The following PRSS23 variants were observed in gnomAD, a reference collection of about 807,000 sequenced individuals.
PRSS23 encodes the protein serine protease 23, also known as protease, serine 23.
A neutral mutation model predicts 34.7 loss-of-function variants in PRSS23; 25 were observed. The observed-to-expected ratio is 0.72, with a 90% CI of 0.53 to 1.01. The LOEUF (loss-of-function observed/expected upper bound fraction) is 1.01. PRSS23 is among the 50% of genes least tolerant of loss of function. PRSS23 has a pLI of 0.00. For missense variants in PRSS23, 445 were observed against 475.6 expected (o/e 0.94, Z 0.60); for synonymous variants, 176 against 186.6 (o/e 0.94, Z 0.46).
chr11:86,862,285 C>T (rs1314664899), intron 2 of PRSS23, among the ~76,000 whole-genome samples: 1 of 151,504 alleles, frequency 6.6e-6, no homozygotes, highest in Non-Finnish European at 1.5e-5. Flanking sequence ...TGTTACTCCT[C>T]ATGTGACAGC....
chr11:86,952,600 AGTCT>A (rs1157462963), exon 3 of PRSS23: 9 of 951,426 alleles, frequency 9.5e-6, no homozygotes, highest in East Asian at 2.4e-5. Context: ...ACCTATCGGG[AGTCT>A]GTCTGTTTAC....
At chr11:86,826,499 A>G (rs574169924) in intron 2 of PRSS23, among the ~76,000 whole-genome samples, 6,710 of 152,118 alleles carry the variant, frequency 0.044, 187 homozygotes, top group Middle Eastern at 0.075. Flanking sequence ...TCTCCTGCCT[A>G]ATTGCCCTGG....
chr11:86,828,904 C>T (rs1213557994), intron 2 of PRSS23, among the ~76,000 whole-genome samples: 3 of 152,172 alleles, frequency 2.0e-5, no homozygotes, highest in Non-Finnish European at 4.4e-5. Flanking sequence ...GTAACCCAAC[C>T]TTTCTCTCTG....
intron 2 of PRSS23, among the ~76,000 whole-genome samples, chr11:86,840,897 G>C (rs904573151): frequency 1.3e-5 from 2 of 152,190 alleles, no homozygotes; most frequent in Non-Finnish European, 2.9e-5. Context: ...AAGTGAAGAT[G>C]TTCTTTAAAA....
At chr11:86,862,805 T>G (rs1240519704) in intron 2 of PRSS23, among the ~76,000 whole-genome samples, 3 of 151,942 alleles carry the variant, frequency 2.0e-5, no homozygotes, top group African/African-American at 7.3e-5. Flanking sequence ...TCCATGATAT[T>G]ATTCATAATA....
chr11:86,817,347 A>G (rs1429393119), intron 1 of PRSS23, among the ~76,000 whole-genome samples: 1 of 152,236 alleles, frequency 6.6e-6, no homozygotes, highest in Non-Finnish European at 1.5e-5. Flanking sequence ...TGATGTGGCT[A>G]TTTTTAAACT....
At chr11:86,895,059 A>G (rs17149495) in intron 2 of PRSS23, among the ~76,000 whole-genome samples, 18,471 of 152,204 alleles carry the variant, frequency 0.12, 1,769 homozygotes, top group African/African-American at 0.27. Context: ...TTACAGTGAG[A>G]CTTCAGATCA....
chr11:86,820,771 T>C (rs760354869), intron 1 of PRSS23, among the ~76,000 whole-genome samples: 15 of 152,238 alleles, frequency 9.9e-5, no homozygotes, highest in Non-Finnish European at 1.9e-4. Flanking sequence ...TCTACCTCTT[T>C]AGTAAAGGGC....
chr11:86,906,003 C>CAT (rs61241543), intron 2 of PRSS23, among the ~76,000 whole-genome samples: 24,420 of 150,040 alleles, frequency 0.16, 2,153 homozygotes, highest in African/African-American at 0.23. Context: ...CACTCATTCA[C>CAT]TCATTCATTC....
chr11:86,814,812 G>A (rs1939114), downstream of PRSS23, among the ~76,000 whole-genome samples: 22,289 of 152,170 alleles, frequency 0.15, 2,209 homozygotes, highest in East Asian at 0.42. Flanking sequence ...GGGTGGTGCA[G>A]ACATGGGCTC....
chr11:86,908,549 T>C (rs935442638), intron 2 of PRSS23, among the ~76,000 whole-genome samples: 1 of 152,202 alleles, frequency 6.6e-6, no homozygotes, highest in South Asian at 2.1e-4. Context: ...TAGGACTCAC[T>C]GGTCCAGTGT....
intron 1 of PRSS23, among the ~76,000 whole-genome samples, chr11:86,822,640 A>AG (rs1948261659): frequency 6.6e-6 from 1 of 151,214 alleles, no homozygotes; most frequent in Admixed American, 6.6e-5. Flanking sequence ...AAAAAAAAAA[A>AG]TGCAGAACTA....
At chr11:86,806,628 C>T (rs1160872665) in intron 1 of PRSS23, among the ~76,000 whole-genome samples, 1 of 152,230 alleles carries the variant, frequency 6.6e-6, no homozygotes, top group East Asian at 1.9e-4. Flanking sequence ...GAAGGCCTCT[C>T]TTGTTCTTAC....
intron 2 of PRSS23, among the ~76,000 whole-genome samples, chr11:86,945,238 C>G (rs986117264): frequency 6.6e-6 from 1 of 151,654 alleles, no homozygotes; most frequent in South Asian, 2.1e-4. Context: ...AAAAAAAAAG[C>G]CCCCTTTCCC....
intron 2 of PRSS23, chr11:86,937,577 A>G (rs558536246): frequency 3.9e-5 from 6 of 152,236 alleles, no homozygotes; most frequent in Non-Finnish European, 8.8e-5. Flanking sequence ...CAAGATGGCC[A>G]TGAGAGTGAC....
At chr11:86,922,660 A>G (rs1344818893) in intron 2 of PRSS23, among the ~76,000 whole-genome samples, 2 of 152,216 alleles carry the variant, frequency 1.3e-5, no homozygotes, top group African/African-American at 2.4e-5. Context: ...CTAAAGATAT[A>G]GATATTCTCT....
intron 2 of PRSS23, among the ~76,000 whole-genome samples, chr11:86,841,629 A>G (rs963141223): frequency 1.6e-4 from 24 of 152,180 alleles, no homozygotes; most frequent in African/African-American, 5.3e-4. Context: ...CAGAAATACA[A>G]ACTACCATCA....
chr11:86,799,640 T>C (rs1044447539), upstream of PRSS23, among the ~76,000 whole-genome samples: 4 of 152,128 alleles, frequency 2.6e-5, no homozygotes, highest in African/African-American at 9.7e-5. Flanking sequence ...ACTAGGACCT[T>C]AAATGGCAAG....
rs1948230146 is a variant in PRSS23 at position 86,818,486 on chromosome 11, C to T, written c.-11-4891C>T. 2.0e-5 allele frequency among the ~76,000 whole-genome samples: 3 copies of T among 152,092 alleles called. No homozygotes were observed. The South Asian group carries it at 6.2e-4, about 32-fold the overall frequency. ...GACCATTTAGAAAGACCTTTCCTTT[C>T]TAAATCAACACGTAACTTGAAAAAA... On this transcript the variant is annotated intron_variant, in intron 1 of 2. Transcript: ENST00000533902.
Sources: gnomAD v4.1 joint callset for allele counts (sites outside exome capture counted in the v4.1 genomes callset) on GRCh38, gnomAD v4.1.1 for gene constraint, MANE v1.5 for transcripts, NCBI Gene and HGNC (gene_info 2026-07-23, HGNC 2026-07-21) for gene names.